Variants in OR9Q1 observed in about 807,000 individuals in gnomAD.
OR9Q1 encodes the protein olfactory receptor family 9 subfamily Q member 1.
For synonymous variants in OR9Q1, 153 were observed against 148.6 expected, an observed-to-expected ratio of 1.03 and a Z score of -0.22; for missense variants, 374 against 378.8, an observed-to-expected ratio of 0.99 and a Z score of 0.11.
At chr11:58,073,898 C>T (rs562329136) in intron 2 of OR9Q1, among the ~76,000 whole-genome samples, 1 of 152,140 alleles carries the variant, frequency 6.6e-6, no homozygotes, top group Non-Finnish European at 1.5e-5. Flanking sequence ...TGAGAACATG[C>T]AGTGTTTGGT....
At chr11:58,050,202 A>G (rs1853259866) in intron 1 of OR9Q1, among the ~76,000 whole-genome samples, 1 of 109,550 alleles carries the variant, frequency 9.1e-6, no homozygotes, top group African/African-American at 3.5e-5. Context: ...AAACTATACT[A>G]CAAGGCTACA....
At chr11:58,103,554 G>T (rs775043370) in intron 2 of OR9Q1, among the ~76,000 whole-genome samples, 9 of 151,904 alleles carry the variant, frequency 5.9e-5, no homozygotes, top group South Asian at 4.2e-4. Context: ...ATTTCACGAA[G>T]ATTAATATTT....
intron 2 of OR9Q1, among the ~76,000 whole-genome samples, chr11:58,106,382 T>C (rs1196115988): frequency 6.6e-6 from 1 of 152,128 alleles, no homozygotes; most frequent in African/African-American, 2.4e-5. Flanking sequence ...GTTCGATATA[T>C]ATTTTAGCAA....
chr11:58,107,390 C>T (rs1333500304), intron 2 of OR9Q1, among the ~76,000 whole-genome samples: 8 of 152,124 alleles, frequency 5.3e-5, no homozygotes, highest in African/African-American at 1.9e-4. Flanking sequence ...TGATAGTTTG[C>T]TCAGAATGAT....
chr11:58,176,055 G>A (rs1398258191), intron 2 of OR9Q1, among the ~76,000 whole-genome samples: 2 of 152,136 alleles, frequency 1.3e-5, no homozygotes, highest in African/African-American at 2.4e-5. Context: ...CTCCCAGAGA[G>A]GGCAAACAGA....
At chr11:58,080,939 G>A (rs939893821) in intron 2 of OR9Q1, among the ~76,000 whole-genome samples, 1 of 152,014 alleles carries the variant, frequency 6.6e-6, no homozygotes, top group East Asian at 1.9e-4. Flanking sequence ...TTTACATTAG[G>A]TATTTCTCCT....
intron 2 of OR9Q1, among the ~76,000 whole-genome samples, chr11:58,114,254 C>G (rs1853929877): frequency 6.6e-6 from 1 of 152,152 alleles, no homozygotes; most frequent in Non-Finnish European, 1.5e-5. Flanking sequence ...GTTTCTGAAT[C>G]ACTGAATTTT....
chr11:58,107,026 G>A (rs931102766), intron 2 of OR9Q1, among the ~76,000 whole-genome samples: 4 of 152,066 alleles, frequency 2.6e-5, no homozygotes, highest in Non-Finnish European at 5.9e-5. Flanking sequence ...ATTTTGATGG[G>A]AATAGCATTA....
At position 58,161,321 on chromosome 11, in the gene OR9Q1, C is replaced by CTT. The variant is rs79758365; in HGVS notation, c.-14-18109_-14-18108insTT. ...CTTGGGAACTGTGGGCTTAAATGTT[C>CTT]TACAAGGCAGAGTAGGTAGAAGGCT... is the stretch of plus-strand genomic sequence containing the variant. On this transcript the variant is annotated intron_variant, in intron 2 of 2. Coordinates refer to ENST00000335397, the MANE Select transcript of OR9Q1 (RefSeq NM_001005212.4). 2.0e-4 allele frequency among the ~76,000 whole-genome samples: 30 copies of CTT among 151,130 alleles called. No individual in the cohort carries two copies. The East Asian group carries it at 5.3e-3, about 27-fold the overall frequency.
chr11:58,057,498 G>A (rs995111799), intron 2 of OR9Q1, among the ~76,000 whole-genome samples: 3 of 152,066 alleles, frequency 2.0e-5, no homozygotes, highest in Admixed American at 6.6e-5. Context: ...CTCTGACTAC[G>A]AGGAAAACAC....
chr11:58,068,892 G>A (rs947615739), intron 2 of OR9Q1, among the ~76,000 whole-genome samples: 3 of 152,120 alleles, frequency 2.0e-5, no homozygotes, highest in African/African-American at 4.8e-5. Flanking sequence ...AAAGTGCAGC[G>A]CTGGAGATTC....
At chr11:58,061,055 T>TGAATAAGATGAATAAGATGAATCTTA (rs1853376283) in intron 2 of OR9Q1, among the ~76,000 whole-genome samples, 1 of 152,144 alleles carries the variant, frequency 6.6e-6, no homozygotes, top group Non-Finnish European at 1.5e-5. Flanking sequence ...TTATCTTAGT[T>TGAATAAGATGAATAAGATGAATCTTA]GTTGAGTGCA....
At chr11:58,131,294 G>A (rs1054929647) in intron 2 of OR9Q1, among the ~76,000 whole-genome samples, 2 of 152,180 alleles carry the variant, frequency 1.3e-5, no homozygotes, top group African/African-American at 4.8e-5. Context: ...GGTCTTCCTG[G>A]TGGACAGGAC....
At chr11:58,104,620 T>A (rs973377135) in intron 2 of OR9Q1, among the ~76,000 whole-genome samples, 2 of 152,176 alleles carry the variant, frequency 1.3e-5, no homozygotes, top group Admixed American at 6.5e-5. Context: ...CCGCAGATAA[T>A]CTCTAGGAGA....
chr11:58,103,950 T>C (rs1853815315), intron 2 of OR9Q1, among the ~76,000 whole-genome samples: 1 of 152,182 alleles, frequency 6.6e-6, no homozygotes, highest in African/African-American at 2.4e-5. Context: ...GTGGGCTCAC[T>C]GGACTGGTTC....
chr11:58,174,402 A>C lies in OR9Q1; in HGVS notation c.-14-5029A>C, dbSNP rs1854585114. On this transcript the variant is annotated intron_variant, in intron 2 of 2. Coordinates refer to ENST00000335397, the MANE Select transcript of OR9Q1 (RefSeq NM_001005212.4). ...CTAAATCCTGTCTGGCCACAGACCTATGAGTGTGAGAATAAATGCTCATTG... is the reference window on the plus strand; with the variant it reads ...CTAAATCCTGTCTGGCCACAGACCTCTGAGTGTGAGAATAAATGCTCATTG... 3.3e-5 allele frequency among the ~76,000 whole-genome samples: 5 copies of C among 152,120 alleles called. No homozygotes were observed. In the South Asian group the frequency reaches 6.2e-4, roughly 19 times the overall value.
Position 58,177,209 on chromosome 11 carries a change from G to A in OR9Q1, c.-14-2222G>A, listed in dbSNP as rs549022475. 5.9e-5 allele frequency among the ~76,000 whole-genome samples: 9 copies of A among 152,328 alleles called. No individual in the cohort carries two copies. In the East Asian group the frequency reaches 1.7e-3, roughly 29 times the overall value. On this transcript the variant is annotated intron_variant, in intron 2 of 2. Coordinates refer to ENST00000335397, the MANE Select transcript of OR9Q1 (RefSeq NM_001005212.4). Reference sequence around the variant, plus strand: ...CTCTATCAGTCTTCAGATATTAATAGACTGCAGAGCTGGTATTTATGTTTG... The same window carrying A: ...CTCTATCAGTCTTCAGATATTAATAAACTGCAGAGCTGGTATTTATGTTTG...
At chr11:58,123,435 A>G (rs1007951267) in intron 2 of OR9Q1, among the ~76,000 whole-genome samples, 1 of 152,170 alleles carries the variant, frequency 6.6e-6, no homozygotes, top group South Asian at 2.1e-4. Context: ...TAGAGACACA[A>G]TTGTTCAAGG....
chr11:58,086,664 A>G (rs186548458), intron 2 of OR9Q1, among the ~76,000 whole-genome samples: 1 of 152,080 alleles, frequency 6.6e-6, no homozygotes, highest in Non-Finnish European at 1.5e-5. Context: ...ACAATGGAAT[A>G]CTATACAGCC....
Sources: allele counts gnomAD v4.1 joint callset (sites outside exome capture counted in the v4.1 genomes callset), GRCh38; gene constraint gnomAD v4.1.1; transcripts MANE v1.5; gene names NCBI Gene and HGNC (gene_info 2026-07-23, HGNC 2026-07-21).